Variants in TMPRSS11D observed in about 807,000 individuals in gnomAD.
TMPRSS11D encodes the protein transmembrane protease serine 11D.
In TMPRSS11D, 32 loss-of-function variants were observed where a neutral mutation model predicts 44.4. That is an observed-to-expected ratio of 0.72 (90% CI 0.54 to 0.97). The LOEUF is 0.97. Among genes scored for constraint, TMPRSS11D ranks in the 50% least tolerant of loss-of-function variants. The pLI is 0.00. For synonymous variants in TMPRSS11D, 179 were observed against 177.9 expected (o/e 1.01, Z -0.05); for missense variants, 446 against 502.6 (o/e 0.89, Z 1.08).
intron 4 of TMPRSS11D, among the ~76,000 whole-genome samples, chr4:67,842,189 G>A (rs898461578): frequency 6.6e-6 from 1 of 152,048 alleles, no homozygotes; most frequent in Non-Finnish European, 1.5e-5. Context: ...CTTGATCTTG[G>A]ATGGATACAC....
chr4:67,863,551 T>A (rs754871654), intron 1 of TMPRSS11D, among the ~76,000 whole-genome samples: 26 of 152,168 alleles, frequency 1.7e-4, no homozygotes, highest in Middle Eastern at 3.4e-3. Context: ...ATGAAAGATT[T>A]CTTTAATTGA....
chr4:67,834,993 T>C (rs1465741973), intron 6 of TMPRSS11D, 90 bp downstream of exon 6: 5 of 1,174,616 alleles, frequency 4.3e-6, no homozygotes, highest in Non-Finnish European at 6.3e-6. Context: ...ACTTGATAGA[T>C]ACTGCCTTGG....
At chr4:67,849,625 A>C (rs1395015526) in intron 3 of TMPRSS11D, among the ~76,000 whole-genome samples, 2 of 152,200 alleles carry the variant, frequency 1.3e-5, no homozygotes, top group Non-Finnish European at 2.9e-5. Context: ...TTTGTGTAAG[A>C]ATGTACTATA....
At chr4:67,831,073 A>G (rs1717932586) in intron 7 of TMPRSS11D, among the ~76,000 whole-genome samples, 1 of 152,146 alleles carries the variant, frequency 6.6e-6, no homozygotes, top group Non-Finnish European at 1.5e-5. Flanking sequence ...TAAAAATATA[A>G]GTAATTATGG....
At position 67,841,167 on chromosome 4, in the gene TMPRSS11D, G is replaced by A. The variant is rs554401982; in HGVS notation, c.317+1391C>T. Among the ~76,000 whole-genome samples the A allele has an allele frequency of 1.5e-4, 23 of 152,242 alleles. No individual in the cohort carries two copies. The South Asian group carries it at 4.4e-3, about 29-fold the overall frequency. On this transcript the variant is annotated intron_variant, in intron 4 of 9. Coordinates refer to ENST00000283916, the MANE Select transcript of TMPRSS11D (RefSeq NM_004262.3). Reference sequence around the variant, plus strand: ...ATGGCTGCATATATTCATGTTTGGAGGCAAAAGAGGACTGGCCTAGAGATA... The same window carrying A: ...ATGGCTGCATATATTCATGTTTGGAAGCAAAAGAGGACTGGCCTAGAGATA...
At chr4:67,828,059 C>T (rs2054785) in intron 7 of TMPRSS11D, among the ~76,000 whole-genome samples, 6 of 150,604 alleles carry the variant, frequency 4.0e-5, no homozygotes, top group African/African-American at 1.5e-4. Context: ...TGTGTGTGTG[C>T]ATATATATAC....
chr4:67,827,544 A>C, intron 7 of TMPRSS11D, 24 bp from the exon 8 acceptor site: 1 of 1,557,654 alleles, frequency 6.4e-7, no homozygotes, highest in Non-Finnish European at 8.7e-7. Flanking sequence ...AAAACATGCT[A>C]TATGAGTAGG....
chr4:67,831,301 G>T (rs1717939340), intron 7 of TMPRSS11D, among the ~76,000 whole-genome samples: 1 of 152,042 alleles, frequency 6.6e-6, no homozygotes. Context: ...TTGATGTAAG[G>T]CTGGTCATGC....
intron 1 of TMPRSS11D, among the ~76,000 whole-genome samples, chr4:67,873,593 G>A (rs1316905172): frequency 1.3e-5 from 2 of 152,146 alleles, no homozygotes; most frequent in African/African-American, 2.4e-5. Context: ...CACATATTGG[G>A]TGAAATAAGT....
At chr4:67,856,315 C>G (rs994942777) in intron 2 of TMPRSS11D, among the ~76,000 whole-genome samples, 1 of 151,924 alleles carries the variant, frequency 6.6e-6, no homozygotes, top group East Asian at 1.9e-4. Flanking sequence ...GAATAGAGAG[C>G]CCAGAAAGAA....
chr4:67,857,695 C>G (rs1718688548), intron 2 of TMPRSS11D, among the ~76,000 whole-genome samples: 1 of 152,058 alleles, frequency 6.6e-6, no homozygotes, highest in South Asian at 2.1e-4. Context: ...ATGACAGATA[C>G]TAGAGACTGG....
chr4:67,865,290 A>G (rs1718894963), intron 1 of TMPRSS11D, among the ~76,000 whole-genome samples: 1 of 151,944 alleles, frequency 6.6e-6, no homozygotes, highest in African/African-American at 2.4e-5. Flanking sequence ...AACAAAATAA[A>G]GAGGGGATTT....
Position 67,838,309 on chromosome 4 carries a change from C to G in TMPRSS11D, c.338G>C (p.Arg113Thr), listed in dbSNP as rs141889463. The change falls in exon 5 of 10, where the codon AGA (arginine) becomes ACA (threonine). Residue 113 changes from arginine (R) to threonine (T), a missense_variant. Arg to Thr is a moderately conservative substitution (Grantham distance 71). Coordinates refer to ENST00000283916, the MANE Select transcript of TMPRSS11D (RefSeq NM_004262.3). Reference protein sequence around the residue: ...AKLRQDGSGVRADVVMKFQFT... With the variant: ...AKLRQDGSGVTADVVMKFQFT... Reference sequence around the variant, plus strand: ...TTGAAATTTCATGACAACATCCGCTCTCACACCACTACCATCTTGCCTGTA... The same window carrying G: ...TTGAAATTTCATGACAACATCCGCTGTCACACCACTACCATCTTGCCTGTA... 1.9e-5 allele frequency: 30 copies of G among 1,583,770 alleles called. No individual in the cohort carries two copies. The highest frequency in any genetic ancestry group is 4.6e-5 in the East Asian group (2 of 43,626).
chr4:67,849,119 T>C (rs907072746), intron 3 of TMPRSS11D, among the ~76,000 whole-genome samples: 3 of 152,116 alleles, frequency 2.0e-5, no homozygotes, highest in Non-Finnish European at 4.4e-5. Flanking sequence ...TGGCTGCTGA[T>C]GGATAGGATA....
At chr4:67,825,647 A>G in intron 9 of TMPRSS11D, 85 bp downstream of exon 9, 1 of 1,443,634 alleles carries the variant, frequency 6.9e-7, no homozygotes, top group Non-Finnish European at 9.4e-7. Flanking sequence ...TAACTGTTAC[A>G]CTTATGTCTA....
intron 3 of TMPRSS11D, among the ~76,000 whole-genome samples, chr4:67,850,853 TC>T (rs2109680902): frequency 6.6e-6 from 1 of 152,240 alleles, no homozygotes; most frequent in South Asian, 2.1e-4. Context: ...ATAGCCCAAA[TC>T]CCAAAGTTTC....
rs535519364 is a variant in TMPRSS11D, at chr4:67,865,087, C to T, written c.9-5409G>A. Among the ~76,000 whole-genome samples, 3 of 151,636 alleles carry T rather than the reference C, an allele frequency of 2.0e-5. No homozygotes were observed. In the South Asian group the frequency reaches 6.2e-4, roughly 31 times the overall value. On this transcript the variant is annotated intron_variant, in intron 1 of 9. Coordinates refer to ENST00000283916, the MANE Select transcript of TMPRSS11D (RefSeq NM_004262.3). ...TATACATTTTTATCAGTACATGGAACATTCTCCAAGATAGATCATATATTA... is the reference window on the plus strand; with the variant it reads ...TATACATTTTTATCAGTACATGGAATATTCTCCAAGATAGATCATATATTA...
intron 1 of TMPRSS11D, among the ~76,000 whole-genome samples, chr4:67,874,763 A>T (rs1177703821): frequency 6.6e-6 from 1 of 152,194 alleles, no homozygotes; most frequent in African/African-American, 2.4e-5. Flanking sequence ...TAGAGTAGGG[A>T]ATCCAGAAAT....
intron 7 of TMPRSS11D, among the ~76,000 whole-genome samples, chr4:67,832,126 AG>A (rs1270253860): frequency 1.3e-5 from 2 of 152,164 alleles, no homozygotes; most frequent in Non-Finnish European, 2.9e-5. Context: ...GGAAGAGTCC[AG>A]GGGAAGAGAA....
Sources: allele counts gnomAD v4.1 joint callset (sites outside exome capture counted in the v4.1 genomes callset), GRCh38; gene constraint gnomAD v4.1.1; transcripts MANE v1.5; gene names NCBI Gene and HGNC (gene_info 2026-07-23, HGNC 2026-07-21).